PALLD: variants seen among roughly 807,000 people sequenced by gnomAD.
The protein encoded by PALLD is palladin.
PALLD carries 61 observed loss-of-function variants against 123.5 expected under a neutral mutation model. The observed-to-expected ratio is 0.49, with a 90% confidence interval of 0.40 to 0.61. The LOEUF is 0.61. Ranked by LOEUF, PALLD falls within the 20% of genes least tolerant of loss-of-function variation. The probability of loss-of-function intolerance (pLI) is 0.00; values close to 1 mark genes in which losing one functional copy is unlikely to be tolerated. For synonymous variants in PALLD, 465 were observed against 496.4 expected (o/e 0.94, Z 0.84); for missense variants, 1,273 against 1,377.0 (o/e 0.92, Z 1.20).
chr4:168,684,936 A>G (rs1196164897), intron 5 of PALLD, among the ~76,000 whole-genome samples: 1 of 152,174 alleles, frequency 6.6e-6, no homozygotes, highest in Non-Finnish European at 1.5e-5. Flanking sequence ...AAATCCTTAT[A>G]TTTCTCCAGA....
At chr4:168,917,529 C>T (rs917823432) in intron 17 of PALLD, among the ~76,000 whole-genome samples, 3 of 151,844 alleles carry the variant, frequency 2.0e-5, no homozygotes, top group Non-Finnish European at 2.9e-5. Context: ...CTTTTTTGCC[C>T]CCTGTTTACT....
At chr4:168,523,960 A>T (rs932482235) in intron 2 of PALLD, among the ~76,000 whole-genome samples, 1 of 152,224 alleles carries the variant, frequency 6.6e-6, no homozygotes, top group Non-Finnish European at 1.5e-5. Flanking sequence ...ACTAATAGAT[A>T]TAATAATATT....
At chr4:168,730,869 C>G (rs1787103551) in intron 10 of PALLD, among the ~76,000 whole-genome samples, 1 of 152,132 alleles carries the variant, frequency 6.6e-6, no homozygotes, top group Non-Finnish European at 1.5e-5. Context: ...TCTTCTCTTA[C>G]CTGTTCATTC....
At chr4:168,607,484 G>A (rs1339473894) in intron 2 of PALLD, among the ~76,000 whole-genome samples, 2 of 152,128 alleles carry the variant, frequency 1.3e-5, no homozygotes, top group East Asian at 3.8e-4. Flanking sequence ...ATCAACTACA[G>A]CGGACCCTTG....
intron 10 of PALLD, among the ~76,000 whole-genome samples, chr4:168,811,495 G>A (rs900400896): frequency 6.6e-6 from 1 of 152,232 alleles, no homozygotes; most frequent in African/African-American, 2.4e-5. Context: ...AGCACTTTGG[G>A]AAGCCAAGCT....
At chr4:168,555,703 A>C (rs951616868) in intron 2 of PALLD, among the ~76,000 whole-genome samples, 1 of 152,230 alleles carries the variant, frequency 6.6e-6, no homozygotes, top group African/African-American at 2.4e-5. Flanking sequence ...TTCAGAATAG[A>C]CTTGCCAAGC....
chr4:168,685,246 A>G (rs1366132761), intron 5 of PALLD, among the ~76,000 whole-genome samples: 1 of 152,232 alleles, frequency 6.6e-6, no homozygotes, highest in Non-Finnish European at 1.5e-5. Context: ...TGGATCCCCA[A>G]GGACCCAGGG....
intron 10 of PALLD, among the ~76,000 whole-genome samples, chr4:168,769,765 G>T (rs1734150563): frequency 6.6e-6 from 1 of 152,166 alleles, no homozygotes; most frequent in Admixed American, 6.5e-5. Context: ...CACTCATAAT[G>T]TTGAAAGGGC....
rs77540173 is a variant in PALLD, at chr4:168,668,527, C to T, written c.1087+159C>T. Among the ~76,000 whole-genome samples the T allele has an allele frequency of 0.054, 8,201 of 152,178 alleles. 233 individuals carry two copies. The highest frequency in any genetic ancestry group is 0.084 in the African/African-American group (3,488 of 41,508). ...AAAACCTTTATAAATTGAACTGTTC[C>T]GACATTTAGGCACCCATCAACTATC... is the stretch of plus-strand genomic sequence containing the variant. On this transcript the variant is annotated intron_variant, in intron 3 of 21. Transcript: ENST00000505667.
At chr4:168,585,704 G>C (rs1770747075) in intron 2 of PALLD, among the ~76,000 whole-genome samples, 1 of 152,138 alleles carries the variant, frequency 6.6e-6, no homozygotes, top group Non-Finnish European at 1.5e-5. Flanking sequence ...GACACCAGCT[G>C]AGGGAGCCTG....
chr4:168,629,824 CA>C (rs1177597240), intron 2 of PALLD, among the ~76,000 whole-genome samples: 1 of 152,196 alleles, frequency 6.6e-6, no homozygotes, highest in Non-Finnish European at 1.5e-5. Context: ...AGCTGCCACC[CA>C]AAAGGCAGCC....
At chr4:168,728,943 T>C (rs1274778203) in intron 10 of PALLD, among the ~76,000 whole-genome samples, 1 of 152,198 alleles carries the variant, frequency 6.6e-6, no homozygotes, top group Non-Finnish European at 1.5e-5. Context: ...CTTGCCTGAT[T>C]GCTCTGGCTA....
At chr4:168,781,591 A>C (rs1735933704) in intron 10 of PALLD, among the ~76,000 whole-genome samples, 1 of 152,214 alleles carries the variant, frequency 6.6e-6, no homozygotes, top group Non-Finnish European at 1.5e-5. Flanking sequence ...GGAGGTGAAC[A>C]GGCTGTCAGC....
At chr4:168,692,433 G>A (rs1240389198) in intron 8 of PALLD, among the ~76,000 whole-genome samples, 1 of 152,170 alleles carries the variant, frequency 6.6e-6, no homozygotes, top group African/African-American at 2.4e-5. Flanking sequence ...CCAGACTGTG[G>A]AAATATACAA....
rs1554052783 is a variant in PALLD at position 168,625,500 on chromosome 4, G to GAT, written c.909-42689_909-42688insTA. Among the ~76,000 whole-genome samples, 285 of 35,244 alleles carry GAT rather than the reference G, an allele frequency of 8.1e-3. 14 individuals carry two copies. Among genetic ancestry groups the GAT allele is most frequent in the African/African-American group, 0.023 (263 of 11,620 alleles). The allele number at this position is 35,244 out of a possible 152,430, so 23.1% of individuals were successfully genotyped here. A position where few individuals can be genotyped will look rare whatever the true frequency, so the allele number is the denominator to read the frequency against. ...TATCCAATAAGGGATTAATATCCAG[G>GAT]AGATATATATATATATATCCTATAA... On this transcript the variant is annotated intron_variant, in intron 2 of 21. Transcript: ENST00000505667.
chr4:168,719,252 C>CT (rs869040811), intron 10 of PALLD, among the ~76,000 whole-genome samples: 9,137 of 85,708 alleles, frequency 0.11, 1,052 homozygotes, highest in African/African-American at 0.24. Flanking sequence ...AAGTAATCTT[C>CT]TTTTTTTTTT....
chr4:168,763,960 A>C (rs1263324132), intron 10 of PALLD, among the ~76,000 whole-genome samples: 8 of 152,198 alleles, frequency 5.3e-5, no homozygotes, highest in Non-Finnish European at 2.9e-5. Flanking sequence ...TCCGTTATTC[A>C]TGCCTCTGTT....
chr4:168,888,677 C>CTATA (rs1407893237), intron 10 of PALLD, among the ~76,000 whole-genome samples: 1 of 152,166 alleles, frequency 6.6e-6, no homozygotes, highest in East Asian at 1.9e-4. Context: ...TTGGCCCAGG[C>CTATA]TATATCGCAT....
chr4:168,593,990 G>T (rs889504190), intron 2 of PALLD, among the ~76,000 whole-genome samples: 1 of 152,116 alleles, frequency 6.6e-6, no homozygotes, highest in Non-Finnish European at 1.5e-5. Context: ...AGGACCATCT[G>T]GGTAGTTTCA....
Sources: gnomAD v4.1 joint callset for allele counts (sites outside exome capture counted in the v4.1 genomes callset) on GRCh38, gnomAD v4.1.1 for gene constraint, MANE v1.5 for transcripts, NCBI Gene and HGNC (gene_info 2026-07-23, HGNC 2026-07-21) for gene names.